Variants in SNTG2 observed in about 807,000 individuals in gnomAD.
SNTG2 encodes the protein syntrophin gamma 2.
A neutral mutation model predicts 70.9 loss-of-function variants in SNTG2; 74 were observed. The ratio of observed to expected loss-of-function variants is 1.04; its 90% CI spans 0.86 to 1.27. SNTG2 has a LOEUF of 1.27. SNTG2 is among the 50% of genes most tolerant of loss of function. The pLI, the probability that SNTG2 is intolerant of heterozygous loss-of-function variation, is 0.00. For synonymous variants in SNTG2, 278 were observed against 273.8 expected, an observed-to-expected ratio of 1.02 and a Z score of -0.15; for missense variants, 717 against 690.7, an observed-to-expected ratio of 1.04 and a Z score of -0.43.
chr2:1,126,592 C>T (rs1667711120), intron 4 of SNTG2, among the ~76,000 whole-genome samples: 1 of 152,120 alleles, frequency 6.6e-6, no homozygotes, highest in Non-Finnish European at 1.5e-5. Flanking sequence ...TACATTACCA[C>T]CAGCAGTGTG....
At chr2:1,066,264 GTAGT>G (rs760239164) in intron 1 of SNTG2, among the ~76,000 whole-genome samples, 19 of 152,316 alleles carry the variant, frequency 1.2e-4, no homozygotes, top group East Asian at 3.9e-4. Flanking sequence ...GGTTGAAGAA[GTAGT>G]TGGTTGGTGA....
chr2:1,247,240 G>T, intron 11 of SNTG2, 87 bp from the exon 12 acceptor site: 1 of 788,746 alleles, frequency 1.3e-6, no homozygotes, highest in South Asian at 1.5e-5. Flanking sequence ...GACCTGATGG[G>T]ATCATGGCTT....
At chr2:1,063,920 C>A (rs1662986374) in intron 1 of SNTG2, among the ~76,000 whole-genome samples, 1 of 152,194 alleles carries the variant, frequency 6.6e-6, no homozygotes, top group Non-Finnish European at 1.5e-5. Flanking sequence ...GTTATCAGTA[C>A]ATGTCCTGAA....
intron 10 of SNTG2, among the ~76,000 whole-genome samples, chr2:1,239,522 A>C (rs750114237): frequency 3.9e-5 from 6 of 152,276 alleles, no homozygotes; most frequent in Non-Finnish European, 8.8e-5. Context: ...ATAAATGCTG[A>C]TATTTGAAAA....
At position 970,109 on chromosome 2, in the gene SNTG2, A is replaced by G. The variant is rs546794556; in HGVS notation, c.72+19041A>G. The stretch of plus-strand genomic sequence containing the variant: ...TTTATCAAAAGCCTTTTCTGCATCT[A>G]TTGAGATGATCATGTGGTTTTGGTT... On this transcript the variant is annotated intron_variant, in intron 1 of 16. Transcript: ENST00000308624. Among the ~76,000 whole-genome samples the G allele has an allele frequency of 5.9e-5, 9 of 152,288 alleles. No individual in the cohort carries two copies. In the South Asian group the frequency reaches 1.9e-3, roughly 32 times the overall value.
intron 6 of SNTG2, among the ~76,000 whole-genome samples, chr2:1,138,568 C>T (rs142273050): frequency 3.9e-5 from 6 of 152,058 alleles, no homozygotes; most frequent in South Asian, 2.1e-4. Context: ...GAGGGCGAAG[C>T]GGGTGAGATG....
At chr2:1,197,208 A>G (rs1672963016) in intron 8 of SNTG2, among the ~76,000 whole-genome samples, 1 of 152,140 alleles carries the variant, frequency 6.6e-6, no homozygotes, top group East Asian at 1.9e-4. Context: ...TGACCCAATT[A>G]TATGCTGCCC....
At chr2:1,026,191 C>T (rs1313284232) in intron 1 of SNTG2, among the ~76,000 whole-genome samples, 1 of 152,196 alleles carries the variant, frequency 6.6e-6, no homozygotes, top group African/African-American at 2.4e-5. Flanking sequence ...TTTCCCAGTG[C>T]TCCAACACCA....
intron 9 of SNTG2, among the ~76,000 whole-genome samples, chr2:1,227,037 G>A (rs1675834732): frequency 6.6e-6 from 1 of 152,194 alleles, no homozygotes; most frequent in African/African-American, 2.4e-5. Context: ...CTGCCCTAAG[G>A]GAGAGGTGCG....
chr2:1,246,142 A>G (rs1677408608), intron 11 of SNTG2, among the ~76,000 whole-genome samples: 1 of 152,206 alleles, frequency 6.6e-6, no homozygotes, highest in African/African-American at 2.4e-5. Context: ...CAGTCAAGAA[A>G]GACAAAACTA....
chr2:1,297,890 C>T (rs575439228), intron 14 of SNTG2, among the ~76,000 whole-genome samples: 96 of 152,164 alleles, frequency 6.3e-4, no homozygotes, highest in Non-Finnish European at 1.2e-3. Context: ...CAGCAAGGAA[C>T]GGAGTAGTGA....
intron 1 of SNTG2, among the ~76,000 whole-genome samples, chr2:977,531 C>A (rs1039661582): frequency 2.6e-5 from 4 of 152,220 alleles, no homozygotes; most frequent in South Asian, 4.1e-4. Flanking sequence ...GGCACCGTAT[C>A]CTGCACTTGC....
chr2:1,036,419 GTGACTC>G (rs1572268920), intron 1 of SNTG2, among the ~76,000 whole-genome samples: 1 of 151,978 alleles, frequency 6.6e-6, no homozygotes, highest in African/African-American at 2.4e-5. Flanking sequence ...GAGTCTAAAA[GTGACTC>G]TGATAAATTT....
intron 1 of SNTG2, among the ~76,000 whole-genome samples, chr2:1,005,806 AATATATATATATATATATATAT>A (rs56246912): frequency 2.4e-3 from 74 of 31,232 alleles, no homozygotes; most frequent in African/African-American, 3.9e-3. Context: ...TCTGCCTCAA[AATATATATATATATATATATAT>A]ATATATATAT....
intron 1 of SNTG2, among the ~76,000 whole-genome samples, chr2:956,618 G>A (rs1660170094): frequency 6.6e-6 from 1 of 152,192 alleles, no homozygotes; most frequent in Non-Finnish European, 1.5e-5. Context: ...GGCCCATCTC[G>A]GTCGGGCGTC....
chr2:1,079,531 A>G (rs1018403525), intron 1 of SNTG2, among the ~76,000 whole-genome samples: 8 of 152,242 alleles, frequency 5.3e-5, no homozygotes, highest in Non-Finnish European at 8.8e-5. Flanking sequence ...ACGGTGTAAT[A>G]AAACAACAGA....
At chr2:1,185,628 G>A (rs954635240) in intron 8 of SNTG2, among the ~76,000 whole-genome samples, 1 of 152,180 alleles carries the variant, frequency 6.6e-6, no homozygotes, top group African/African-American at 2.4e-5. Flanking sequence ...TGGAGCAGAG[G>A]CCTGAGACAT....
chr2:1,285,816 C>T (rs1004746470), intron 14 of SNTG2, among the ~76,000 whole-genome samples: 1 of 152,120 alleles, frequency 6.6e-6, no homozygotes, highest in Non-Finnish European at 1.5e-5. Flanking sequence ...AAGACCCAAA[C>T]CTTCATTCCT....
chr2:1,191,206 C>A (rs1553351404), intron 8 of SNTG2, among the ~76,000 whole-genome samples: 2 of 152,208 alleles, frequency 1.3e-5, no homozygotes, highest in Non-Finnish European at 2.9e-5. Context: ...TATCATATCT[C>A]TTTTCATATC....
Sources: allele counts gnomAD v4.1 joint callset (sites outside exome capture counted in the v4.1 genomes callset), GRCh38; gene constraint gnomAD v4.1.1; transcripts MANE v1.5; gene names NCBI Gene and HGNC (gene_info 2026-07-23, HGNC 2026-07-21).